The following FBN2 variants were observed in gnomAD, a reference collection of about 807,000 sequenced individuals.
FBN2 encodes the protein fibrillin 2.
A neutral mutation model predicts 355.6 loss-of-function variants in FBN2; 105 were observed. The observed-to-expected ratio is 0.30, with a 90% CI of 0.25 to 0.35. The LOEUF (loss-of-function observed/expected upper bound fraction) is 0.35, where lower values mean the gene tolerates loss of function less well. FBN2 is among the 10% of genes least tolerant of loss of function. The pLI, the probability that FBN2 is intolerant of heterozygous loss-of-function variation, is 1.00. For missense variants in FBN2, 3,280 were observed against 3,758.7 expected (o/e 0.87, Z 3.33); for synonymous variants, 1,350 against 1,301.2 (o/e 1.04, Z -0.81).
chr5:128,498,143 T>C (rs1375783618), intron 5 of FBN2, among the ~76,000 whole-genome samples: 1 of 152,194 alleles, frequency 6.6e-6, no homozygotes, highest in Non-Finnish European at 1.5e-5. Flanking sequence ...CAGAAAGAGA[T>C]GACCATTCAA....
At chr5:128,483,456 G>A (rs1755249977) in intron 5 of FBN2, among the ~76,000 whole-genome samples, 1 of 151,970 alleles carries the variant, frequency 6.6e-6, no homozygotes, top group African/African-American at 2.4e-5. Flanking sequence ...AACCATACCA[G>A]CTGAAAATCA....
chr5:128,454,612 C>T (rs1384474522), intron 6 of FBN2, among the ~76,000 whole-genome samples: 1 of 152,208 alleles, frequency 6.6e-6, no homozygotes, highest in Non-Finnish European at 1.5e-5. Flanking sequence ...GAGCTAGCAA[C>T]ATCTGCCTGA....
At chr5:128,512,909 T>C (rs1182620046) in intron 5 of FBN2, among the ~76,000 whole-genome samples, 1 of 152,190 alleles carries the variant, frequency 6.6e-6, no homozygotes, top group African/African-American at 2.4e-5. Flanking sequence ...ATTATATCAT[T>C]CAATCTTCAC....
intron 5 of FBN2, among the ~76,000 whole-genome samples, chr5:128,497,456 C>T (rs1171089921): frequency 6.6e-6 from 1 of 152,136 alleles, no homozygotes; most frequent in Non-Finnish European, 1.5e-5. Flanking sequence ...CAAACTTGTA[C>T]AAAGTGGTTA....
intron 36 of FBN2, among the ~76,000 whole-genome samples, chr5:128,315,881 T>C (rs1018556613): frequency 6.6e-6 from 1 of 152,216 alleles, no homozygotes; most frequent in Non-Finnish European, 1.5e-5. Flanking sequence ...ATTCTGAAGT[T>C]TGAAAACATT....
intron 3 of FBN2, among the ~76,000 whole-genome samples, chr5:128,530,248 T>A (rs1350792300): frequency 6.6e-6 from 1 of 152,200 alleles, no homozygotes; most frequent in Non-Finnish European, 1.5e-5. Flanking sequence ...TGGTCAGTAC[T>A]CAATAAACAC....
At chr5:128,419,240 A>G (rs2127013556) in intron 7 of FBN2, among the ~76,000 whole-genome samples, 1 of 152,316 alleles carries the variant, frequency 6.6e-6, no homozygotes, top group East Asian at 1.9e-4. Context: ...TGTCCACTAA[A>G]CACGTGTCAT....
intron 5 of FBN2, among the ~76,000 whole-genome samples, chr5:128,484,038 A>AG (rs1251501602): frequency 2.6e-5 from 4 of 152,206 alleles, no homozygotes; most frequent in African/African-American, 9.6e-5. Flanking sequence ...TGGAATGGGC[A>AG]AGAGACAGAA....
chr5:128,334,406 T>C (rs1443718949), intron 31 of FBN2, among the ~76,000 whole-genome samples: 1 of 152,026 alleles, frequency 6.6e-6, no homozygotes, highest in Admixed American at 6.6e-5. Flanking sequence ...CGGGCAGCAG[T>C]CATACTCAGA....
chr5:128,362,686 A>C (rs191915951), intron 18 of FBN2, among the ~76,000 whole-genome samples: 2 of 152,256 alleles, frequency 1.3e-5, no homozygotes, highest in Non-Finnish European at 2.9e-5. Flanking sequence ...GCTGTTCTGG[A>C]ACTTCTGGCC....
intron 5 of FBN2, among the ~76,000 whole-genome samples, chr5:128,500,945 C>T (rs1755793233): frequency 6.6e-6 from 1 of 152,118 alleles, no homozygotes. Flanking sequence ...ACAGTGAAGA[C>T]AGAATTATAT....
intron 27 of FBN2, among the ~76,000 whole-genome samples, chr5:128,337,051 C>T (rs949105526): frequency 5.3e-5 from 8 of 152,222 alleles, no homozygotes; most frequent in Admixed American, 3.3e-4. Flanking sequence ...AACTAAATAA[C>T]AAAGTAAACT....
chr5:128,280,957 T>G (rs906600463), intron 55 of FBN2, among the ~76,000 whole-genome samples: 6 of 152,194 alleles, frequency 3.9e-5, no homozygotes, highest in Non-Finnish European at 7.3e-5. Flanking sequence ...TTGAGGTTTC[T>G]TTCAAAGCTG....
At chr5:128,377,900 A>C in intron 12 of FBN2, 23 bp from the exon 13 acceptor site, 1 of 1,606,746 alleles carries the variant, frequency 6.2e-7, no homozygotes, top group Non-Finnish European at 8.5e-7. Flanking sequence ...AGAATGGCCA[A>C]ACATCATTCT....
intron 48 of FBN2, among the ~76,000 whole-genome samples, chr5:128,293,491 CAA>C (rs890473472): frequency 2.2e-5 from 3 of 137,852 alleles, no homozygotes; most frequent in African/African-American, 5.3e-5. Context: ...GACTCCGTCT[CAA>C]AAAAAAAAAG....
chr5:128,369,772 C>T (rs192627562), intron 15 of FBN2, among the ~76,000 whole-genome samples: 161 of 152,276 alleles, frequency 1.1e-3, no homozygotes, highest in Non-Finnish European at 1.9e-3. Flanking sequence ...CTGGCTTGGG[C>T]GTGAGATTTC....
intron 48 of FBN2, among the ~76,000 whole-genome samples, chr5:128,294,407 C>G (rs1401732644): frequency 3.3e-5 from 5 of 152,230 alleles, no homozygotes; most frequent in Non-Finnish European, 5.9e-5. Context: ...CCTGAGGAAT[C>G]GCCACACTGA....
At chr5:128,529,939 T>C (rs1330823387) in intron 3 of FBN2, among the ~76,000 whole-genome samples, 1 of 152,148 alleles carries the variant, frequency 6.6e-6, no homozygotes, top group Non-Finnish European at 1.5e-5. Flanking sequence ...ATTACCTTCT[T>C]TTAGGGAAAA....
Position 128,344,470 on chromosome 5 carries a change from A to G in FBN2, c.3258T>C (p.Tyr1086=), listed in dbSNP as rs745840766. The G allele has an allele frequency of 8.7e-6, 14 of 1,610,250 alleles. No individual in the cohort carries two copies. Among genetic ancestry groups the G allele is most frequent in the Middle Eastern group, 1.6e-4 (1 of 6,072 alleles). The change falls in exon 25 of 65, where the codon TAT becomes TAC. Residue 1086 remains tyrosine, a synonymous_variant. Transcript: ENST00000262464. ...TTCCGATTGTATTTCTGCACTTCCC[A>G]TAAGTGCACATCCCAGGAAATGCTT... is the stretch of plus-strand genomic sequence containing the variant. The part of the protein sequence containing the change: ...ECKAFPGMCT[Y]GKCRNTIGSF...
Sources: gnomAD v4.1 joint callset for allele counts (sites outside exome capture counted in the v4.1 genomes callset) on GRCh38, gnomAD v4.1.1 for gene constraint, MANE v1.5 for transcripts, NCBI Gene and HGNC (gene_info 2026-07-23, HGNC 2026-07-21) for gene names.